Variants in ATG4B observed in about 807,000 individuals in gnomAD.
The protein encoded by ATG4B is autophagy related 4B cysteine peptidase, also known as cysteine protease ATG4B.
Under a neutral mutation model 56.6 loss-of-function variants are expected in ATG4B, and 29 were observed. The ratio of observed to expected loss-of-function variants is 0.51; its 90% CI spans 0.38 to 0.70. The LOEUF (loss-of-function observed/expected upper bound fraction) is 0.70, where lower values mean the gene tolerates loss of function less well. Among genes scored for constraint, ATG4B ranks in the 30% least tolerant of loss-of-function variants. ATG4B has a pLI of 0.00. For synonymous variants in ATG4B, 224 were observed against 206.1 expected (o/e 1.09, Z -0.74); for missense variants, 461 against 515.5 (o/e 0.89, Z 1.02).
chr2:241,663,417 G>T (rs1559266563), intron 7 of ATG4B, among the ~76,000 whole-genome samples: 1 of 152,046 alleles, frequency 6.6e-6, no homozygotes, highest in Non-Finnish European at 1.5e-5. Flanking sequence ...AACTAATGCG[G>T]AATAAAATGA....
intron 12 of ATG4B, 118 bp downstream of exon 12, chr2:241,671,523 AC>A: frequency 6.5e-7 from 1 of 1,546,462 alleles, no homozygotes; most frequent in Non-Finnish European, 8.7e-7. Flanking sequence ...AGCCGTGAGC[AC>A]TTGGCAGTGG....
In ATG4B at chr2:241,672,471, A is replaced by G. The variant is rs1406948059; in HGVS notation, c.*207A>G. On this transcript the variant is annotated 3_prime_UTR_variant, in exon 13 of 13. Coordinates refer to ENST00000404914, the MANE Select transcript of ATG4B (RefSeq NM_013325.5). ...GACTGCCCAGCTCAGAGTGCCCGTC[A>G]GGGCCTGTGCATCCGCACGCGGAGC... 1 of 595,674 alleles carries G rather than the reference A, an allele frequency of 1.7e-6. No individual in the cohort carries two copies. The allele number at this position is 595,674 out of a possible 1,614,324, so 36.9% of individuals were successfully genotyped here. A position where few individuals can be genotyped will look rare whatever the true frequency, so the allele number is the denominator to read the frequency against.
chr2:241,667,327 G>A (rs972391381), intron 8 of ATG4B, among the ~76,000 whole-genome samples: 2 of 152,188 alleles, frequency 1.3e-5, no homozygotes, highest in East Asian at 1.9e-4. Context: ...AAAAGGGGGC[G>A]GGGAGCGGTG....
intron 7 of ATG4B, among the ~76,000 whole-genome samples, chr2:241,663,969 C>T (rs1271285060): frequency 2.0e-5 from 3 of 152,016 alleles, no homozygotes; most frequent in Non-Finnish European, 4.4e-5. Context: ...GCCACCACGC[C>T]TGGCTAATTT....
chr2:241,645,661 C>A (rs1343377836), intron 1 of ATG4B, among the ~76,000 whole-genome samples: 1 of 152,178 alleles, frequency 6.6e-6, no homozygotes, highest in East Asian at 1.9e-4. Flanking sequence ...ACTTCTGACT[C>A]CACAGCTGGC....
chr2:241,656,982 T>TTTTTGTTTTA, intron 6 of ATG4B, among the ~76,000 whole-genome samples: 1 of 148,612 alleles, frequency 6.7e-6, no homozygotes, highest in Middle Eastern at 3.6e-3. Flanking sequence ...CTTTTTTCTT[T>TTTTTGTTTTA]TTTTTTGAGA....
chr2:241,657,412 C>T, intron 6 of ATG4B, among the ~76,000 whole-genome samples: 1 of 152,118 alleles, frequency 6.6e-6, no homozygotes, highest in East Asian at 1.9e-4. Flanking sequence ...TCAAGCAATT[C>T]TCCTGCCTTA....
chr2:241,642,434 C>G (rs1263826684), intron 1 of ATG4B, among the ~76,000 whole-genome samples: 2 of 152,066 alleles, frequency 1.3e-5, no homozygotes, highest in African/African-American at 4.8e-5. Context: ...TATCTTAAAC[C>G]TAAGAGCTTT....
chr2:241,647,188 G>C (rs142347725), intron 1 of ATG4B, among the ~76,000 whole-genome samples: 186 of 152,328 alleles, frequency 1.2e-3, no homozygotes, highest in African/African-American at 4.3e-3. Context: ...ATACTTGCCA[G>C]TGTTCATTTA....
Position 241,652,932 on chromosome 2 carries a change from C to T in ATG4B, c.185-580C>T, listed in dbSNP as rs148546806. Among the ~76,000 whole-genome samples the T allele has an allele frequency of 5.6e-3, 857 of 152,358 alleles. 13 individuals carry two copies. Among genetic ancestry groups the T allele is most frequent in the African/African-American group, 0.02 (813 of 41,584 alleles). ...CTGCACAGGTGGCCCTCTCTGTTGT[C>T]ACAGCTGTGCAGTGGCCTTCCACTG... is the stretch of plus-strand genomic sequence containing the variant. On this transcript the variant is annotated intron_variant, in intron 3 of 12. Transcript: ENST00000404914.
intron 6 of ATG4B, among the ~76,000 whole-genome samples, chr2:241,658,079 G>A (rs567573739): frequency 6.6e-6 from 1 of 152,246 alleles, no homozygotes; most frequent in Admixed American, 6.5e-5. Flanking sequence ...CTGCGTTACT[G>A]TTCTCTGCAG....
At position 241,655,358 on chromosome 2, in the gene ATG4B, T is replaced by A; in HGVS notation, c.458+15T>A. 6.2e-7 allele frequency: 1 copy of A among 1,600,636 alleles called. No homozygotes were observed. The highest frequency in any genetic ancestry group is 8.5e-7 in the Non-Finnish European group (1 of 1,173,510). On this transcript the variant is annotated intron_variant, in intron 6 of 12. Transcript: ENST00000404914. ...CAGGTCCTGAAGTATGTACTGCGCT[T>A]CCACTGCTGAGCATGGGGCAGCAGG...
intron 1 of ATG4B, among the ~76,000 whole-genome samples, chr2:241,645,763 G>C (rs1052301830): frequency 2.0e-5 from 3 of 152,136 alleles, no homozygotes; most frequent in African/African-American, 4.8e-5. Context: ...GGTGCAGTGT[G>C]GTGGGAGAAG....
At chr2:241,669,967 G>A (rs1037483292) in intron 10 of ATG4B, among the ~76,000 whole-genome samples, 5 of 152,090 alleles carry the variant, frequency 3.3e-5, no homozygotes, top group Admixed American at 6.5e-5. Flanking sequence ...GAGTGGACGC[G>A]TGAACGTTGA....
chr2:241,673,652 C>A lies in ATG4B; in HGVS notation c.*1388C>A. ...GGTGGGGAAGCAGGGAAGGCTGGTG[C>A]GATCTCCATTCCTTGGGCTCCACGT... On this transcript the variant is annotated 3_prime_UTR_variant, in exon 13 of 13. Transcript: ENST00000404914. 4.4e-6 allele frequency: 2 copies of A among 456,466 alleles called. No homozygotes were observed. Among genetic ancestry groups the A allele is most frequent in the Non-Finnish European group, 8.8e-6 (2 of 227,138 alleles). The allele number at this position is 456,466 out of a possible 1,614,324, so 28.3% of individuals were successfully genotyped here. A position where few individuals can be genotyped will look rare whatever the true frequency, so the allele number is the denominator to read the frequency against.
chr2:241,654,904 C>T (rs964379037), intron 5 of ATG4B: 23 of 576,158 alleles, frequency 4.0e-5, no homozygotes, highest in African/African-American at 1.1e-4. Context: ...GCCTGGTGCT[C>T]GGCACAGTCT....
At chr2:241,671,715 G>A (rs1288126579) in intron 12 of ATG4B, 28 of 1,328,240 alleles carry the variant, frequency 2.1e-5, no homozygotes, top group East Asian at 2.1e-4. Context: ...CTGTGGTGAC[G>A]CAGTCCTGGG....
chr2:241,666,570 A>G (rs747086453), intron 7 of ATG4B, 75 bp from the exon 8 acceptor site: 2 of 1,472,156 alleles, frequency 1.4e-6, no homozygotes, highest in Non-Finnish European at 9.4e-7. Flanking sequence ...TTACACAGTC[A>G]TCATTTGCTT....
At chr2:241,664,030 G>A (rs1301222868) in intron 7 of ATG4B, among the ~76,000 whole-genome samples, 1 of 152,086 alleles carries the variant, frequency 6.6e-6, no homozygotes, top group East Asian at 1.9e-4. Context: ...ATGTTGGCCA[G>A]GATGGTCTTG....
Sources: allele counts gnomAD v4.1 joint callset (sites outside exome capture counted in the v4.1 genomes callset), GRCh38; gene constraint gnomAD v4.1.1; transcripts MANE v1.5; gene names NCBI Gene and HGNC (gene_info 2026-07-23, HGNC 2026-07-21).